Variants in FLRT2 observed in about 807,000 individuals in gnomAD.
The protein encoded by FLRT2 is fibronectin leucine rich transmembrane protein 2, also known as leucine-rich repeat transmembrane protein FLRT2.
Under a neutral mutation model 40.0 loss-of-function variants are expected in FLRT2, and 15 were observed. The ratio of observed to expected loss-of-function variants is 0.38; its 90% CI spans 0.25 to 0.58. FLRT2 has a LOEUF of 0.58. FLRT2 is among the 20% of genes least tolerant of loss of function. The probability of loss-of-function intolerance (pLI) is 0.71; values close to 1 mark genes in which losing one functional copy is unlikely to be tolerated. For missense variants in FLRT2, 726 were observed against 840.0 expected (o/e 0.86, Z 1.68); for synonymous variants, 380 against 336.8 (o/e 1.13, Z -1.41).
chr14:85,590,196 T>C (rs1566743241), intron 1 of FLRT2, among the ~76,000 whole-genome samples: 1 of 152,106 alleles, frequency 6.6e-6, no homozygotes, highest in Non-Finnish European at 1.5e-5. Context: ...CAGTCAAGAC[T>C]ATCAAAAATG....
rs1424365030 is a variant in FLRT2, at chr14:85,627,917, A to T, written c.*4420A>T. On this transcript the variant is annotated 3_prime_UTR_variant, in exon 2 of 2. Transcript: ENST00000330753. ...TATATTCAGTAAAGTCTTATTTTAAAAGAAAACCACATTGTGTTTATCTGA... is the reference window on the plus strand; with the variant it reads ...TATATTCAGTAAAGTCTTATTTTAATAGAAAACCACATTGTGTTTATCTGA... The T allele has an allele frequency of 1.6e-4, 26 of 167,094 alleles. No individual in the cohort carries two copies. The highest frequency in any genetic ancestry group is 1.5e-3 in the Admixed American group (23 of 15,292). The allele number at this position is 167,094 out of a possible 1,614,324, so 10.4% of individuals were successfully genotyped here.
At chr14:85,542,470 G>T (rs536563436) in intron 1 of FLRT2, among the ~76,000 whole-genome samples, 265 of 152,086 alleles carry the variant, frequency 1.7e-3, no homozygotes, top group African/African-American at 6.1e-3. Flanking sequence ...GGCTTTTTCT[G>T]TTAAGATCAC....
chr14:85,638,025 T>C lies in FLRT2; in HGVS notation c.*14528T>C, dbSNP rs1488680787. 7.2e-5 allele frequency: 11 copies of C among 152,170 alleles called. No individual in the cohort carries two copies. The highest frequency in any genetic ancestry group is 7.2e-4 in the Admixed American group (11 of 15,280). 9.4% of individuals were successfully genotyped at this position (152,170 alleles called of 1,614,324 possible). A position where few individuals can be genotyped will look rare whatever the true frequency, so the allele number is the denominator to read the frequency against. On this transcript the variant is annotated 3_prime_UTR_variant, in exon 2 of 2. Coordinates refer to ENST00000330753, the MANE Select transcript of FLRT2 (RefSeq NM_013231.6). ...ACAAAATGTATACACATTACCTAGA[T>C]TTTCAAGAAGTGAAATGTTTAGTAA...
chr14:85,560,623 A>T (rs900928682), intron 1 of FLRT2, among the ~76,000 whole-genome samples: 2 of 151,556 alleles, frequency 1.3e-5, no homozygotes, highest in African/African-American at 4.8e-5. Context: ...AAAAATAAAG[A>T]AAAAAAAGAA....
chr14:85,530,607 T>C (rs1244354635), intron 1 of FLRT2, 73 bp downstream of exon 1: 1 of 134,408 alleles, frequency 7.4e-6, no homozygotes, highest in Non-Finnish European at 1.6e-5. Flanking sequence ...CACCACGCTG[T>C]CTCTTCGGGG....
intron 1 of FLRT2, among the ~76,000 whole-genome samples, chr14:85,608,091 C>T (rs942496541): frequency 6.6e-6 from 1 of 152,102 alleles, no homozygotes; most frequent in Non-Finnish European, 1.5e-5. Context: ...ACTCGATGCT[C>T]CCCTTAAAGA....
At chr14:85,586,556 A>C (rs1011100200) in intron 1 of FLRT2, among the ~76,000 whole-genome samples, 4 of 152,194 alleles carry the variant, frequency 2.6e-5, no homozygotes, top group Non-Finnish European at 5.9e-5. Flanking sequence ...AACACTTAAA[A>C]AAAGAATACT....
chr14:85,577,587 A>ATT (rs764441299), intron 1 of FLRT2, among the ~76,000 whole-genome samples: 2 of 148,884 alleles, frequency 1.3e-5, no homozygotes, highest in Non-Finnish European at 3.0e-5. Context: ...TTTCCTGATT[A>ATT]TTTTTTTTTT....
intron 1 of FLRT2, among the ~76,000 whole-genome samples, chr14:85,590,725 A>C (rs965055219): frequency 6.6e-6 from 1 of 151,914 alleles, no homozygotes; most frequent in African/African-American, 2.4e-5. Context: ...CAGCCTCCCG[A>C]TAGCTGGGAC....
rs552363190 is a variant in FLRT2, at chr14:85,633,649, A to C, written c.*10152A>C. On this transcript the variant is annotated 3_prime_UTR_variant, in exon 2 of 2. Transcript: ENST00000330753. ...CCCTATCTCTAAAAAAAAAAAAAAA[A>C]ATTAGCCAGGAGTGGTGGCATGTGC... is the stretch of plus-strand genomic sequence containing the variant. The C allele has an allele frequency of 7.1e-4, 108 of 151,504 alleles. No individual in the cohort carries two copies. Among genetic ancestry groups the C allele is most frequent in the African/African-American group, 2.6e-3 (107 of 41,350 alleles). 9.4% of individuals were successfully genotyped at this position (151,504 alleles called of 1,614,324 possible).
chr14:85,620,691 C>T (rs1316601823), intron 1 of FLRT2, among the ~76,000 whole-genome samples: 1 of 152,116 alleles, frequency 6.6e-6, no homozygotes, highest in Non-Finnish European at 1.5e-5. Flanking sequence ...TATAACTCTG[C>T]AGGGCTTCAC....
intron 1 of FLRT2, among the ~76,000 whole-genome samples, chr14:85,538,108 G>A (rs537912908): frequency 3.9e-5 from 6 of 152,160 alleles, no homozygotes; most frequent in African/African-American, 1.2e-4. Context: ...TTGGAACTCC[G>A]TTATTTATTT....
rs1320281840 is a variant in FLRT2 at position 85,621,439 on chromosome 14, A to C, written c.-76A>C. 2.9e-6 allele frequency: 4 copies of C among 1,384,794 alleles called. No individual in the cohort carries two copies. The highest frequency in any genetic ancestry group is 3.9e-6 in the Non-Finnish European group (4 of 1,025,388). The allele number at this position is 1,384,794 out of a possible 1,614,324, so 85.8% of individuals were successfully genotyped here. On this transcript the variant is annotated 5_prime_UTR_variant, in exon 2 of 2. Transcript: ENST00000330753. The stretch of plus-strand genomic sequence containing the variant: ...GACTTCAACAGAACCCCATCCAGTC[A>C]TTTTGATTTTGCTGTTTATTTTTTT...
Position 85,554,763 on chromosome 14 carries a change from G to C in FLRT2, c.-377+24229G>C, listed in dbSNP as rs534354944. 2.0e-5 allele frequency among the ~76,000 whole-genome samples: 3 copies of C among 152,318 alleles called. No individual in the cohort carries two copies. The South Asian group carries it at 6.2e-4, about 32-fold the overall frequency. On this transcript the variant is annotated intron_variant, in intron 1 of 1. Transcript: ENST00000330753. Reference sequence around the variant, plus strand: ...TTTTTCCTTTCTGATTATAAAAATAGAGAGTTGTGCTATGAATTTCAATAA... The same window carrying C: ...TTTTTCCTTTCTGATTATAAAAATACAGAGTTGTGCTATGAATTTCAATAA...
chr14:85,596,281 C>T (rs1485985556), intron 1 of FLRT2, among the ~76,000 whole-genome samples: 1 of 152,120 alleles, frequency 6.6e-6, no homozygotes, highest in African/African-American at 2.4e-5. Flanking sequence ...GATTTAGGTG[C>T]GGTCCATTGA....
rs1894429594 is a variant in FLRT2 at position 85,651,363 on chromosome 14, T to C, written c.*27866T>C. On this transcript the variant is annotated 3_prime_UTR_variant, in exon 2 of 2. Transcript: ENST00000330753. ...TAAATTAGAGATTTTGCCTGATTGT[T>C]ATCTACAGAATTCTATGCAACTCCA... The C allele has an allele frequency of 6.6e-6, 1 of 152,036 alleles. No individual in the cohort carries two copies. Among genetic ancestry groups the C allele is most frequent in the Non-Finnish European group, 1.5e-5 (1 of 67,958 alleles). 9.4% of individuals were successfully genotyped at this position (152,036 alleles called of 1,614,324 possible). A position where few individuals can be genotyped will look rare whatever the true frequency, so the allele number is the denominator to read the frequency against.
At chr14:85,581,570 G>A (rs1168670627) in intron 1 of FLRT2, among the ~76,000 whole-genome samples, 3 of 152,114 alleles carry the variant, frequency 2.0e-5, no homozygotes, top group Non-Finnish European at 2.9e-5. Flanking sequence ...GAATATTAAT[G>A]TTAGAAGTTG....
Position 85,622,177 on chromosome 14 carries a change from C to T in FLRT2, c.663C>T (p.Ile221=), listed in dbSNP as rs17646348. Residue 221 remains isoleucine, a synonymous_variant, in exon 2 of 2, where the codon ATC becomes ATT. Coordinates refer to ENST00000330753, the MANE Select transcript of FLRT2 (RefSeq NM_013231.6). ...VDGNLLTNKG[I]AEGTFSHLTK... ...GGAACCTCCTGACCAACAAGGGTAT[C>T]GCCGAGGGCACCTTCAGCCATCTCA... is the stretch of plus-strand genomic sequence containing the variant. 2.8e-3 allele frequency: 4,551 copies of T among 1,614,108 alleles called. 7 individuals are homozygous for T. The highest frequency in any genetic ancestry group is 4.1e-3 in the Middle Eastern group (25 of 6,062).
chr14:85,603,169 A>G (rs955552190), intron 1 of FLRT2, among the ~76,000 whole-genome samples: 1 of 152,152 alleles, frequency 6.6e-6, no homozygotes, highest in African/African-American at 2.4e-5. Flanking sequence ...TCTCTCCTAA[A>G]TAATGTGCAA....
Sources: allele counts gnomAD v4.1 joint callset (sites outside exome capture counted in the v4.1 genomes callset), GRCh38; gene constraint gnomAD v4.1.1; transcripts MANE v1.5; gene names NCBI Gene and HGNC (gene_info 2026-07-23, HGNC 2026-07-21).